DCTN5: variants seen among roughly 807,000 people sequenced by gnomAD.
The protein encoded by DCTN5 is dynactin 4.
A neutral mutation model predicts 23.5 loss-of-function variants in DCTN5; 14 were observed. That is an observed-to-expected ratio of 0.60 (90% CI 0.39 to 0.93). DCTN5 has a LOEUF of 0.93. DCTN5 is among the 40% of genes least tolerant of loss of function. The probability of loss-of-function intolerance (pLI) is 0.00; values close to 1 mark genes in which losing one functional copy is unlikely to be tolerated. For synonymous variants in DCTN5, 67 were observed against 79.6 expected (o/e 0.84, Z 0.84); for missense variants, 156 against 225.9 (o/e 0.69, Z 1.98).
chr16:23,666,423 C>T (rs1967907210), intron 5 of DCTN5: 1 of 153,128 alleles, frequency 6.5e-6, no homozygotes, highest in Non-Finnish European at 1.5e-5. Flanking sequence ...CCATCAGGAG[C>T]CCGGAGTTCC....
chr16:23,651,179 C>T, intron 2 of DCTN5: 1 of 1,090,612 alleles, frequency 9.2e-7, no homozygotes. Context: ...CTTCAACCTC[C>T]ACTTTGCTAT....
chr16:23,649,460 C>T (rs1485383267), intron 2 of DCTN5, among the ~76,000 whole-genome samples: 1 of 152,142 alleles, frequency 6.6e-6, no homozygotes, highest in Non-Finnish European at 1.5e-5. Context: ...TCTTACTCAT[C>T]TTTTCCAAGA....
rs1365512755 is a variant in DCTN5, at chr16:23,673,064, C to A, written c.*5920C>A. On this transcript the variant is annotated 3_prime_UTR_variant, in exon 6 of 6. Coordinates refer to ENST00000300087, the MANE Select transcript of DCTN5 (RefSeq NM_032486.4). ...AATGGCGCGAACCCAGGGGGCGGAG[C>A]TTGCAGTGAGCTGTAATTGTGCCAC... 1 of 148,862 alleles carries A rather than the reference C, an allele frequency of 6.7e-6. No homozygotes were observed. The highest frequency in any genetic ancestry group is 2.1e-4 in the East Asian group (1 of 4,834). The allele number at this position is 148,862 out of a possible 1,614,324, so 9.2% of individuals were successfully genotyped here. A position where few individuals can be genotyped will look rare whatever the true frequency, so the allele number is the denominator to read the frequency against.
At chr16:23,659,381 T>G (rs1967770276) in intron 3 of DCTN5, among the ~76,000 whole-genome samples, 1 of 152,238 alleles carries the variant, frequency 6.6e-6, no homozygotes, top group African/African-American at 2.4e-5. Context: ...TCTCTCCTCC[T>G]TGACTAATTG....
chr16:23,648,062 T>C (rs1967507782), intron 2 of DCTN5, among the ~76,000 whole-genome samples: 1 of 152,160 alleles, frequency 6.6e-6, no homozygotes, highest in South Asian at 2.1e-4. Flanking sequence ...TTTAAGCAAA[T>C]TTTCCACATA....
Position 23,665,741 on chromosome 16 carries a change from G to C in DCTN5, c.451+13G>C. 1.9e-6 allele frequency: 3 copies of C among 1,602,034 alleles called. No homozygotes were observed. Among genetic ancestry groups the C allele is most frequent in the Non-Finnish European group, 2.6e-6 (3 of 1,173,056 alleles). On this transcript the variant is annotated intron_variant, in intron 5 of 5. Transcript: ENST00000300087. ...TCAGGCTGCCCAGGTAACCTTGGCT[G>C]TTGATTAATTTTATTTTAACTTCCT...
Position 23,658,534 on chromosome 16 carries a change from C to T in DCTN5, c.145C>T (p.Arg49Ter), listed in dbSNP as rs1337061995. The change falls in exon 3 of 6, where the codon CGA (arginine) becomes TGA (stop). Residue 49 changes from arginine (R) to a stop codon, truncating the protein, a stop_gained. Coordinates refer to ENST00000300087, the MANE Select transcript of DCTN5 (RefSeq NM_032486.4). LOFTEE classifies it high-confidence loss of function. ...KTIVMNDCII[R>*]GDLANVRVGR... is the part of the protein sequence containing the mutation. ...CATTGTGATGAATGACTGTATTATC[C>T]GAGGGGATCTGGCAAATGTAAGAGT... The T allele has an allele frequency of 5.6e-6, 9 of 1,613,810 alleles. No individual in the cohort carries two copies. Among genetic ancestry groups the T allele is most frequent in the African/African-American group, 2.7e-5 (2 of 74,842 alleles).
At chr16:23,654,746 C>T (rs1411407126) in intron 2 of DCTN5, among the ~76,000 whole-genome samples, 1 of 152,092 alleles carries the variant, frequency 6.6e-6, no homozygotes, top group African/African-American at 2.4e-5. Context: ...ATTAATTAAC[C>T]CCTCTTCCTT....
At chr16:23,641,987 C>T (rs1967284395) in intron 1 of DCTN5, among the ~76,000 whole-genome samples, 1 of 152,036 alleles carries the variant, frequency 6.6e-6, no homozygotes, top group African/African-American at 2.4e-5. Flanking sequence ...TCCTGAGGGC[C>T]GCGGCGCGAT....
chr16:23,656,191 C>A lies in DCTN5; in HGVS notation c.118-2316C>A, dbSNP rs566243822. Among the ~76,000 whole-genome samples, 4 of 152,310 alleles carry A rather than the reference C, an allele frequency of 2.6e-5. No homozygotes were observed. In the East Asian group the frequency reaches 7.7e-4, roughly 29 times the overall value. On this transcript the variant is annotated intron_variant, in intron 2 of 5. Transcript: ENST00000300087. The stretch of plus-strand genomic sequence containing the variant: ...ACAGTGAGCCATGATCATGCCACTG[C>A]ACTCCAGCCTGGGTGACAGAGCGAG...
intron 2 of DCTN5, among the ~76,000 whole-genome samples, chr16:23,652,617 T>A (rs1967626167): frequency 6.6e-6 from 1 of 152,188 alleles, no homozygotes; most frequent in South Asian, 2.1e-4. Flanking sequence ...TAGAATACAT[T>A]TCTATTACTC....
chr16:23,661,219 G>T lies in DCTN5; in HGVS notation c.286G>T (p.Asp96Tyr). The change falls in exon 4 of 6, where the codon GAT becomes TAT. Residue 96 changes from aspartate (D) to tyrosine (Y), a missense_variant. This residue lies in a region of DCTN5 where 153 missense variants were observed against 206.8 expected (regional missense o/e 0.74). Coordinates refer to ENST00000300087, the MANE Select transcript of DCTN5 (RefSeq NM_032486.4). ...HIGDHVFIEEDCVVNAAQIGS... is the reference protein window; with the variant it reads ...HIGDHVFIEEYCVVNAAQIGS... ...TGGAGACCATGTCTTTATTGAGGAA[G>T]ATTGTGTGGTCAACGCAGCACAGAT... is the stretch of plus-strand genomic sequence containing the variant. The T allele has an allele frequency of 6.2e-7, 1 of 1,613,038 alleles. No individual in the cohort carries two copies. The highest frequency in any genetic ancestry group is 8.5e-7 in the Non-Finnish European group (1 of 1,179,556).
chr16:23,664,730 G>A (rs1291574603), intron 4 of DCTN5, among the ~76,000 whole-genome samples: 1 of 152,244 alleles, frequency 6.6e-6, no homozygotes, highest in Non-Finnish European at 1.5e-5. Context: ...AGTGGTTAAA[G>A]TCAGGGATGA....
chr16:23,644,474 G>A (rs546747552), intron 2 of DCTN5, among the ~76,000 whole-genome samples: 1 of 151,376 alleles, frequency 6.6e-6, no homozygotes, highest in Non-Finnish European at 1.5e-5. Context: ...CTAATTTTTT[G>A]TATTTTTATC....
intron 2 of DCTN5, among the ~76,000 whole-genome samples, chr16:23,647,509 A>AT (rs572034897): frequency 2.5e-4 from 35 of 138,026 alleles, no homozygotes; most frequent in South Asian, 1.1e-3. Context: ...TTTTTTTTTA[A>AT]TTTTTTTTTG....
At chr16:23,659,826 T>C (rs530635484) in intron 3 of DCTN5, among the ~76,000 whole-genome samples, 36 of 152,324 alleles carry the variant, frequency 2.4e-4, no homozygotes, top group Admixed American at 2.1e-3. Context: ...GAAAACCTCC[T>C]GGTACCCTAT....
intron 2 of DCTN5, among the ~76,000 whole-genome samples, chr16:23,644,190 C>T (rs1028587124): frequency 2.0e-5 from 3 of 151,766 alleles, no homozygotes; most frequent in Non-Finnish European, 2.9e-5. Context: ...TACAGTGGCG[C>T]GATCTTGGCT....
At position 23,672,195 on chromosome 16, in the gene DCTN5, C is replaced by T. The variant is rs1009239280; in HGVS notation, c.*5051C>T. ...TGAGAGACTCTGAGCTTCCTGGGAACAGGTATAGGTTCTTTTTATTTCAAT... is the reference window on the plus strand; with the variant it reads ...TGAGAGACTCTGAGCTTCCTGGGAATAGGTATAGGTTCTTTTTATTTCAAT... On this transcript the variant is annotated 3_prime_UTR_variant, in exon 6 of 6. Coordinates refer to ENST00000300087, the MANE Select transcript of DCTN5 (RefSeq NM_032486.4). The T allele has an allele frequency of 1.3e-5, 2 of 152,152 alleles. No individual in the cohort carries two copies. Among genetic ancestry groups the T allele is most frequent in the African/African-American group, 4.8e-5 (2 of 41,414 alleles). 9.4% of individuals were successfully genotyped at this position (152,152 alleles called of 1,614,324 possible). A position where few individuals can be genotyped will look rare whatever the true frequency, so the allele number is the denominator to read the frequency against.
At position 23,669,090 on chromosome 16, in the gene DCTN5, A is replaced by G. The variant is rs1439240961; in HGVS notation, c.*1946A>G. ...GAAAGGCGAGCTGGACTCTGTCTCC[A>G]TGGTGGCTCTCACCCCAGGGACCTA... On this transcript the variant is annotated 3_prime_UTR_variant, in exon 6 of 6. Transcript: ENST00000300087. 2 of 152,676 alleles carry G rather than the reference A, an allele frequency of 1.3e-5. No homozygotes were observed. The highest frequency in any genetic ancestry group is 6.5e-5 in the Admixed American group (1 of 15,270). 9.5% of individuals were successfully genotyped at this position (152,676 alleles called of 1,614,324 possible).
Sources: gnomAD v4.1 joint callset for allele counts (sites outside exome capture counted in the v4.1 genomes callset) on GRCh38, gnomAD v4.1.1 for gene constraint, gnomAD v4.1.1 regional missense constraint, MANE v1.5 for transcripts, NCBI Gene and HGNC (gene_info 2026-07-23, HGNC 2026-07-21) for gene names.